FGF8: variants seen among roughly 807,000 people sequenced by gnomAD.
The protein encoded by FGF8 is androgen-induced growth factor.
A neutral mutation model predicts 29.7 loss-of-function variants in FGF8; 12 were observed. The observed-to-expected ratio is 0.40, with a 90% confidence interval of 0.26 to 0.65. The LOEUF is 0.65. FGF8 is among the 30% of genes least tolerant of loss of function. FGF8 has a pLI of 0.37. For missense variants in FGF8, 271 were observed against 345.1 expected, an observed-to-expected ratio of 0.79 and a Z score of 1.70; for synonymous variants, 157 against 144.4, an observed-to-expected ratio of 1.09 and a Z score of -0.63.
rs1413381262 is a variant in FGF8, at chr10:101,775,564, G to A, written c.69+176C>T. On this transcript the variant is annotated intron_variant, in intron 2 of 5. Coordinates refer to ENST00000320185, the MANE Select transcript of FGF8 (RefSeq NM_033163.5). The surrounding 1 kb of genome is among the most constrained non-coding windows in gnomAD (Gnocchi z 4.6). ...CACTCGCTGTGTGACCTCAGGAGGGGTGCTACCTCTCTGTGCCTCAGCTCC... is the reference window on the plus strand; with the variant it reads ...CACTCGCTGTGTGACCTCAGGAGGGATGCTACCTCTCTGTGCCTCAGCTCC... The A allele has an allele frequency of 5.9e-6, 4 of 679,544 alleles. No homozygotes were observed. Among genetic ancestry groups the A allele is most frequent in the African/African-American group, 1.8e-5 (1 of 55,712 alleles). 42.1% of individuals were successfully genotyped at this position (679,544 alleles called of 1,614,324 possible). A position where few individuals can be genotyped will look rare whatever the true frequency, so the allele number is the denominator to read the frequency against.
At position 101,771,591 on chromosome 10, in the gene FGF8, T is replaced by C. The variant is rs372418903; in HGVS notation, c.338-22A>G. On this transcript the variant is annotated intron_variant, in intron 4 of 5. Coordinates refer to ENST00000320185, the MANE Select transcript of FGF8 (RefSeq NM_033163.5). The surrounding 1 kb of genome is among the most constrained non-coding windows in gnomAD (Gnocchi z 5.3). ...TTTGCTGTCAGAGAAGGTAGCAGGATGGCTATTGGCAGATCCCTGACCCCA... is the reference window on the plus strand; with the variant it reads ...TTTGCTGTCAGAGAAGGTAGCAGGACGGCTATTGGCAGATCCCTGACCCCA... 11 of 1,593,544 alleles carry C rather than the reference T, an allele frequency of 6.9e-6. No individual in the cohort carries two copies. The African/African-American group carries it at 1.3e-4, about 19-fold the overall frequency.
chr10:101,771,399 G>A lies in FGF8; in HGVS notation c.444+64C>T. 8.3e-7 allele frequency: 1 copy of A among 1,207,714 alleles called. No homozygotes were observed. Among genetic ancestry groups the A allele is most frequent in the Non-Finnish European group, 1.2e-6 (1 of 810,958 alleles). The allele number at this position is 1,207,714 out of a possible 1,614,324, so 74.8% of individuals were successfully genotyped here. A position where few individuals can be genotyped will look rare whatever the true frequency, so the allele number is the denominator to read the frequency against. ...ATCAGAGCCCAGGACTGTCTTGGAG[G>A]AGTCCAGCCAGCCCAAGCCACTCCC... On this transcript the variant is annotated intron_variant, in intron 5 of 5. Coordinates refer to ENST00000320185, the MANE Select transcript of FGF8 (RefSeq NM_033163.5). This position sits in a 1 kb window ranked among gnomAD's most constrained non-coding sequence, Gnocchi z 5.3.
chr10:101,778,114 G>C (rs576341882), upstream of FGF8, among the ~76,000 whole-genome samples: 1 of 152,382 alleles, frequency 6.6e-6, no homozygotes, highest in South Asian at 2.1e-4. Context: ...CTGTTTGCTT[G>C]TGGTCTTACC....
In FGF8 at chr10:101,771,013, G is replaced by A. The variant is rs1450303821; in HGVS notation, c.445-394C>T. Among the ~76,000 whole-genome samples the A allele has an allele frequency of 1.3e-5, 2 of 152,080 alleles. No individual in the cohort carries two copies. Among genetic ancestry groups the A allele is most frequent in the Admixed American group, 6.5e-5 (1 of 15,278 alleles). Reference sequence around the variant, plus strand: ...ACCCTATGGGGGAGGGGAGGCCTGGGAGAAGATGCTAAGACCCCAGCCCCA... The same window carrying A: ...ACCCTATGGGGGAGGGGAGGCCTGGAAGAAGATGCTAAGACCCCAGCCCCA... On this transcript the variant is annotated intron_variant, in intron 5 of 5. Transcript: ENST00000320185. The surrounding 1 kb of genome is among the most constrained non-coding windows in gnomAD (Gnocchi z 5.3).
chr10:101,775,360 C>A lies in FGF8; in HGVS notation c.70-144G>T, dbSNP rs548941645. ...GGCCAAATCGGCCACAAGCCTCCCCCGAGGGGCGCTGAGAGGGTCTCTGCT... is the reference window on the plus strand; with the variant it reads ...GGCCAAATCGGCCACAAGCCTCCCCAGAGGGGCGCTGAGAGGGTCTCTGCT... On this transcript the variant is annotated intron_variant, in intron 2 of 5. Coordinates refer to ENST00000320185, the MANE Select transcript of FGF8 (RefSeq NM_033163.5). The surrounding 1 kb of genome is among the most constrained non-coding windows in gnomAD (Gnocchi z 4.6). 1.3e-5 allele frequency: 9 copies of A among 668,402 alleles called. No individual in the cohort carries two copies. The East Asian group carries it at 2.5e-4, about 18-fold the overall frequency. 41.4% of individuals were successfully genotyped at this position (668,402 alleles called of 1,614,324 possible).
chr10:101,775,012 C>A lies in FGF8; in HGVS notation c.157-100G>T. 6.6e-7 allele frequency: 1 copy of A among 1,522,832 alleles called. No individual in the cohort carries two copies. The highest frequency in any genetic ancestry group is 9.0e-7 in the Non-Finnish European group (1 of 1,111,296). 94.3% of individuals were successfully genotyped at this position (1,522,832 alleles called of 1,614,324 possible). On this transcript the variant is annotated intron_variant, in intron 3 of 5. Coordinates refer to ENST00000320185, the MANE Select transcript of FGF8 (RefSeq NM_033163.5). The surrounding 1 kb of genome is among the most constrained non-coding windows in gnomAD (Gnocchi z 4.6). ...CCTGCGTCCCCCTCACTGCCCCAAG[C>A]CGCCAGCAGGTGCTGGGGGTTCCCC...
chr10:101,773,877 G>C lies in FGF8; in HGVS notation c.337+855C>G, dbSNP rs772546029. 2.6e-5 allele frequency among the ~76,000 whole-genome samples: 4 copies of C among 152,070 alleles called. No homozygotes were observed. The South Asian group carries it at 6.2e-4, about 24-fold the overall frequency. ...AAACTCCACATCTGAAAAAAAGCTC[G>C]TTCTTTTTCTGTTTTATATCATTCT... On this transcript the variant is annotated intron_variant, in intron 4 of 5. Transcript: ENST00000320185.
chr10:101,776,428 C>A (rs893135889), upstream of FGF8, among the ~76,000 whole-genome samples: 17 of 151,054 alleles, frequency 1.1e-4, no homozygotes, highest in African/African-American at 3.2e-4. Context: ...CCTGTCCCCT[C>A]GCGCGCTCCC....
At chr10:101,776,160 G>A (rs1021741330), upstream of FGF8, 5 of 124,500 alleles carry the variant, frequency 4.0e-5, no homozygotes, top group Middle Eastern at 3.8e-3. Flanking sequence ...TGGCGGGGTG[G>A]GTGGGGAGGT....
chr10:101,770,141 TAAAAAAA>T lies in FGF8; in HGVS notation c.*181_*187del, dbSNP rs11322844. The T allele has an allele frequency of 1.5e-5, 6 of 392,434 alleles. No homozygotes were observed. Among genetic ancestry groups the T allele is most frequent in the South Asian group, 1.1e-4 (2 of 18,836 alleles). 24.3% of individuals were successfully genotyped at this position (392,434 alleles called of 1,614,324 possible). A position where few individuals can be genotyped will look rare whatever the true frequency, so the allele number is the denominator to read the frequency against. On this transcript the variant is annotated 3_prime_UTR_variant, in exon 6 of 6. Coordinates refer to ENST00000320185, the MANE Select transcript of FGF8 (RefSeq NM_033163.5). ...CAAAAATAGAGCCTCTCTTTTGTTT[TAAAAAAA>T]AAAAAAAAAAAAAAAACAGCAAAAA...
In FGF8 at chr10:101,775,257, C is replaced by A. The variant is rs1282072571; in HGVS notation, c.70-41G>T. 9 of 1,341,866 alleles carry A rather than the reference C, an allele frequency of 6.7e-6. No individual in the cohort carries two copies. Among genetic ancestry groups the A allele is most frequent in the Non-Finnish European group, 9.4e-6 (9 of 961,884 alleles). The allele number at this position is 1,341,866 out of a possible 1,614,324, so 83.1% of individuals were successfully genotyped here. On this transcript the variant is annotated intron_variant, in intron 2 of 5. Coordinates refer to ENST00000320185, the MANE Select transcript of FGF8 (RefSeq NM_033163.5). The surrounding 1 kb of genome is among the most constrained non-coding windows in gnomAD (Gnocchi z 4.6). ...GCTTTTAAGTAGGGAGGCAGCCCTC[C>A]CCGACCCCTGACATTTATAAAGACA... is the stretch of plus-strand genomic sequence containing the variant.
At chr10:101,777,407 A>T (rs185911683), upstream of FGF8, among the ~76,000 whole-genome samples, 80 of 152,294 alleles carry the variant, frequency 5.3e-4, no homozygotes, top group Admixed American at 1.3e-3. Context: ...TGGTCCCAGG[A>T]AGCCATTAGG....
In FGF8 at chr10:101,770,377, C is replaced by T. The variant is rs545150103; in HGVS notation, c.687G>A (p.Thr229=). ...RFEFLNYPPF[T]RSLRGSQRTW... Reference sequence around the variant, plus strand: ...TCCTCTGGCTGCCGCGCAGGCTGCGCGTGAAGGGCGGGTAGTTGAGGAACT... The same window carrying T: ...TCCTCTGGCTGCCGCGCAGGCTGCGTGTGAAGGGCGGGTAGTTGAGGAACT... Residue 229 remains threonine, a synonymous_variant, in exon 6 of 6, where the codon ACG becomes ACA. Transcript: ENST00000320185. 8.7e-6 allele frequency: 14 copies of T among 1,603,030 alleles called. No homozygotes were observed. Among genetic ancestry groups the T allele is most frequent in the East Asian group, 6.8e-5 (3 of 44,422 alleles).
chr10:101,775,053 G>A lies in FGF8; in HGVS notation c.156+77C>T, dbSNP rs369975105. 4.6e-5 allele frequency: 69 copies of A among 1,503,492 alleles called. 1 individual carries two copies. The South Asian group carries it at 6.8e-4, about 15-fold the overall frequency. 93.1% of individuals were successfully genotyped at this position (1,503,492 alleles called of 1,614,324 possible). On this transcript the variant is annotated intron_variant, in intron 3 of 5. Transcript: ENST00000320185. The surrounding 1 kb of genome is among the most constrained non-coding windows in gnomAD (Gnocchi z 4.6). ...GGGGTTCCCCCAACATGCCAGCCCA[G>A]GCCACCATCCCCCACCCACGCAAGT...
chr10:101,775,486 A>T lies in FGF8; in HGVS notation c.69+254T>A. 1.7e-6 allele frequency: 1 copy of T among 604,074 alleles called. No individual in the cohort carries two copies. The highest frequency in any genetic ancestry group is 2.9e-6 in the Non-Finnish European group (1 of 340,620). 37.4% of individuals were successfully genotyped at this position (604,074 alleles called of 1,614,324 possible). ...TTCCCTATGCCCCCAGCCGGCGAGGATGCATGGGGGACAGTGCTGGGCTCC... is the reference window on the plus strand; with the variant it reads ...TTCCCTATGCCCCCAGCCGGCGAGGTTGCATGGGGGACAGTGCTGGGCTCC... On this transcript the variant is annotated intron_variant, in intron 2 of 5. Coordinates refer to ENST00000320185, the MANE Select transcript of FGF8 (RefSeq NM_033163.5). The surrounding 1 kb of genome is among the most constrained non-coding windows in gnomAD (Gnocchi z 4.6).
Position 101,771,443 on chromosome 10 carries a change from C to T in FGF8, c.444+20G>A, listed in dbSNP as rs774574442. On this transcript the variant is annotated intron_variant, in intron 5 of 5. Transcript: ENST00000320185. This position sits in a 1 kb window ranked among gnomAD's most constrained non-coding sequence, Gnocchi z 5.3. ...CACTCCCTAGGTCCCGCGGACCCCA[C>T]CTGCCTGCTGGGGCCTCACCTTGGC... The T allele has an allele frequency of 2.1e-5, 33 of 1,594,090 alleles. No homozygotes were observed. Among genetic ancestry groups the T allele is most frequent in the Non-Finnish European group, 2.6e-5 (30 of 1,161,834 alleles).
At chr10:101,778,579 G>A (rs745434696), upstream of FGF8, among the ~76,000 whole-genome samples, 4 of 152,246 alleles carry the variant, frequency 2.6e-5, no homozygotes, top group Non-Finnish European at 5.9e-5. Flanking sequence ...GCCTCTGCCA[G>A]GGAGCCTGTG....
At chr10:101,776,353 G>C (rs1303109160), upstream of FGF8, among the ~76,000 whole-genome samples, 3 of 150,660 alleles carry the variant, frequency 2.0e-5, no homozygotes, top group African/African-American at 7.3e-5. Context: ...TGGGCTAGGG[G>C]AGGGGTCTGG....
At chr10:101,779,515 G>A (rs904078825), upstream of FGF8, among the ~76,000 whole-genome samples, 2 of 152,118 alleles carry the variant, frequency 1.3e-5, no homozygotes, top group Non-Finnish European at 2.9e-5. This position sits in a 1 kb window ranked among gnomAD's most constrained non-coding sequence, Gnocchi z 5.7. Flanking sequence ...TCCGCGGGGC[G>A]CCCCAACCGG....
Sources: allele counts gnomAD v4.1 joint callset (sites outside exome capture counted in the v4.1 genomes callset), GRCh38; gene constraint gnomAD v4.1.1; non-coding constraint Gnocchi (gnomAD v3.1); transcripts MANE v1.5; gene names NCBI Gene and HGNC (gene_info 2026-07-23, HGNC 2026-07-21).